The following ARFGAP2 variants were observed in gnomAD, a reference collection of about 807,000 sequenced individuals.
The protein encoded by ARFGAP2 is ADP-ribosylation factor GTPase-activating protein 2.
ARFGAP2 carries 45 observed loss-of-function variants against 71.9 expected under a neutral mutation model. The observed-to-expected ratio is 0.63, with a 90% CI of 0.49 to 0.80. The LOEUF (loss-of-function observed/expected upper bound fraction) is 0.80, where lower values mean the gene tolerates loss of function less well. Among genes scored for constraint, ARFGAP2 ranks in the 30% least tolerant of loss-of-function variants. The probability of loss-of-function intolerance (pLI) is 0.00; values close to 1 mark genes in which losing one functional copy is unlikely to be tolerated. For synonymous variants in ARFGAP2, 248 were observed against 249.2 expected (o/e 1.00, Z 0.05); for missense variants, 633 against 673.9 (o/e 0.94, Z 0.67).
At chr11:47,176,476 C>CAACA in intron 2 of ARFGAP2, 40 bp downstream of exon 2, 1 of 1,586,086 alleles carries the variant, frequency 6.3e-7, no homozygotes. Flanking sequence ...ACACCCCTGG[C>CAACA]CGGCCGGGTG....
intron 2 of ARFGAP2, chr11:47,176,145 A>C: frequency 1.7e-6 from 1 of 601,440 alleles, no homozygotes; most frequent in East Asian, 2.8e-5. Context: ...AGGAGGTCAC[A>C]TTCTCAGGCA....
intron 3 of ARFGAP2, 29 bp downstream of exon 3, chr11:47,175,822 G>C: frequency 1.2e-6 from 2 of 1,613,868 alleles, no homozygotes; most frequent in Non-Finnish European, 1.7e-6. Context: ...CAGAAGAATG[G>C]AAGGTGAGGG....
intron 12 of ARFGAP2, 145 bp downstream of exon 12, chr11:47,167,764 T>G (rs767066530): frequency 1.8e-4 from 182 of 1,023,286 alleles, no homozygotes; most frequent in Non-Finnish European, 2.3e-4. Flanking sequence ...CATAGCCACA[T>G]AGTAGTGGCT....
intron 6 of ARFGAP2, 21 bp downstream of exon 6, chr11:47,173,736 GTT>G: frequency 6.3e-7 from 1 of 1,580,828 alleles, no homozygotes. Flanking sequence ...AGGGCACCTG[GTT>G]GGAATCTGGG....
intron 2 of ARFGAP2, chr11:47,176,132 G>A (rs1247401425): frequency 8.2e-6 from 5 of 607,990 alleles, no homozygotes; most frequent in East Asian, 2.8e-5. Flanking sequence ...CCCCAGATCC[G>A]AAAGGAGGTC....
chr11:47,174,015 A>T, intron 5 of ARFGAP2, 175 bp from the exon 6 acceptor site: 2 of 1,272,178 alleles, frequency 1.6e-6, no homozygotes, highest in South Asian at 1.4e-5. Context: ...AAGCAGGAAG[A>T]CAAGCAGCCC....
At chr11:47,172,792 C>A in intron 7 of ARFGAP2, 1 of 1,289,636 alleles carries the variant, frequency 7.8e-7, no homozygotes, top group Non-Finnish European at 1.0e-6. Context: ...GAGGCCCACC[C>A]CAGAGCCTCC....
chr11:47,175,960 A>C (rs751426845), intron 2 of ARFGAP2, 37 bp from the exon 3 acceptor site: 5 of 1,609,114 alleles, frequency 3.1e-6, no homozygotes, highest in Admixed American at 1.7e-5. Context: ...ACTAGCAGAT[A>C]CCAGCAGGAT....
Position 47,166,890 on chromosome 11 carries a change from AG to A in ARFGAP2, c.1206-5del, listed in dbSNP as rs1565123689. On this transcript the variant is annotated splice_region_variant and splice_polypyrimidine_tract_variant and intron_variant, in intron 12 of 15. Transcript: ENST00000524782. ...CACTTCCCTCCGGTTTGTGGCTCTG[AG>A]GGGAAGATGTGGAATATCTCGGACT... 1 of 1,612,656 alleles carries A rather than the reference AG, an allele frequency of 6.2e-7. No homozygotes were observed. The highest frequency in any genetic ancestry group is 1.7e-5 in the Admixed American group (1 of 59,976).
In ARFGAP2 at chr11:47,165,443, T is replaced by A. The variant is rs376320543; in HGVS notation, c.*39A>T. Reference sequence around the variant, plus strand: ...CAGCCTGGGAACTGTGGAGTTCTTGTTGCCGTCACCATCGTAAGCCTGAGT... The same window carrying A: ...CAGCCTGGGAACTGTGGAGTTCTTGATGCCGTCACCATCGTAAGCCTGAGT... On this transcript the variant is annotated 3_prime_UTR_variant, in exon 16 of 16. Coordinates refer to ENST00000524782, the MANE Select transcript of ARFGAP2 (RefSeq NM_032389.6). The A allele has an allele frequency of 2.7e-5, 43 of 1,570,458 alleles. No homozygotes were observed. The highest frequency in any genetic ancestry group is 3.6e-5 in the Non-Finnish European group (42 of 1,158,332).
chr11:47,168,755 A>G (rs563470005), intron 10 of ARFGAP2, among the ~76,000 whole-genome samples: 143 of 152,152 alleles, frequency 9.4e-4, no homozygotes, highest in African/African-American at 3.2e-3. Flanking sequence ...ACTCCTGAGT[A>G]CAGACAATCC....
In ARFGAP2 at chr11:47,176,636, TG is replaced by T; in HGVS notation, c.73-3del. On this transcript the variant is annotated splice_polypyrimidine_tract_variant and splice_region_variant and intron_variant, in intron 1 of 15. Transcript: ENST00000524782. Reference sequence around the variant, plus strand: ...CTTGGCGCCGCAGTCGAAACAGGCCTGGGTGGAGGCGGCGATGAGCGAATCG... The same window carrying T: ...CTTGGCGCCGCAGTCGAAACAGGCCTGGTGGAGGCGGCGATGAGCGAATCG... 1.9e-6 allele frequency: 3 copies of T among 1,613,970 alleles called. No homozygotes were observed. The highest frequency in any genetic ancestry group is 2.5e-6 in the Non-Finnish European group (3 of 1,179,992).
In ARFGAP2 at chr11:47,165,344, A is replaced by G; in HGVS notation, c.*138T>C. Reference sequence around the variant, plus strand: ...TTCCCCTCACAGGAGTGAGCGCCTCAAAGGCCACCCCACACACACACCACA... The same window carrying G: ...TTCCCCTCACAGGAGTGAGCGCCTCGAAGGCCACCCCACACACACACCACA... On this transcript the variant is annotated 3_prime_UTR_variant, in exon 16 of 16. Transcript: ENST00000524782. 1.7e-6 allele frequency: 2 copies of G among 1,194,030 alleles called. No homozygotes were observed. Among genetic ancestry groups the G allele is most frequent in the African/African-American group, 3.1e-5 (2 of 63,660 alleles). The allele number at this position is 1,194,030 out of a possible 1,614,324, so 74.0% of individuals were successfully genotyped here.
chr11:47,176,229 T>G, intron 2 of ARFGAP2: 1 of 586,194 alleles, frequency 1.7e-6, no homozygotes, highest in Non-Finnish European at 3.0e-6. Flanking sequence ...TAACAACATA[T>G]CAGCAACAAC....
chr11:47,171,611 T>C, intron 9 of ARFGAP2, 53 bp downstream of exon 9: 1 of 1,613,944 alleles, frequency 6.2e-7, no homozygotes, highest in Non-Finnish European at 8.5e-7. Flanking sequence ...CTGTCCAACA[T>C]ACCCACCCAC....
In ARFGAP2 at chr11:47,173,785, G is replaced by C. The variant is rs751445152; in HGVS notation, c.536C>G (p.Pro179Arg). 2.5e-6 allele frequency: 4 copies of C among 1,605,004 alleles called. No individual in the cohort carries two copies. Among genetic ancestry groups the C allele is most frequent in the African/African-American group, 1.3e-5 (1 of 74,846 alleles). ...TGCCAGGCCACTGCTCTCTGTAGAC[G>C]GGGCTGGCTGCTGGGTCCCTGAAGG... ...TEPSGTQQPA[P>R]STESSGLAQP... The change falls in exon 6 of 16, where the codon CCG becomes CGG. Residue 179 changes from proline (P) to arginine (R), a missense_variant. Coordinates refer to ENST00000524782, the MANE Select transcript of ARFGAP2 (RefSeq NM_032389.6).
At chr11:47,176,728 C>T in intron 1 of ARFGAP2, 54 bp downstream of exon 1, 2 of 1,612,422 alleles carry the variant, frequency 1.2e-6, no homozygotes, top group Non-Finnish European at 1.7e-6. Context: ...CGCCCTTCTC[C>T]CTCCCTCAGG....
rs1286043266 is a variant in ARFGAP2, at chr11:47,172,267, C to T, written c.672+14G>A. On this transcript the variant is annotated intron_variant, in intron 8 of 15. Coordinates refer to ENST00000524782, the MANE Select transcript of ARFGAP2 (RefSeq NM_032389.6). ...GCTCCTAACCCCTCTACCATACCAC[C>T]TCTCCCCACCTACCCCTTTCTTAGC... 6.2e-7 allele frequency: 1 copy of T among 1,614,060 alleles called. No individual in the cohort carries two copies. Among genetic ancestry groups the T allele is most frequent in the Non-Finnish European group, 8.5e-7 (1 of 1,179,902 alleles).
At chr11:47,171,044 G>A (rs1952579181) in intron 10 of ARFGAP2, among the ~76,000 whole-genome samples, 1 of 152,064 alleles carries the variant, frequency 6.6e-6, no homozygotes, top group South Asian at 2.1e-4. Context: ...GATATGTGAG[G>A]GTATTACAGG....
Sources: gnomAD v4.1 joint callset for allele counts (sites outside exome capture counted in the v4.1 genomes callset) on GRCh38, gnomAD v4.1.1 for gene constraint, MANE v1.5 for transcripts, NCBI Gene and HGNC (gene_info 2026-07-23, HGNC 2026-07-21) for gene names.